The following GSTCD variants were observed in gnomAD, a reference collection of about 807,000 sequenced individuals.
The protein encoded by GSTCD is glutathione S-transferase C-terminal domain-containing protein.
GSTCD carries 44 observed loss-of-function variants against 68.3 expected under a neutral mutation model. The observed-to-expected ratio is 0.64, with a 90% CI of 0.51 to 0.83. The LOEUF is 0.83. GSTCD is among the 40% of genes least tolerant of loss of function. The pLI, the probability that GSTCD is intolerant of heterozygous loss-of-function variation, is 0.00. For synonymous variants in GSTCD, 273 were observed against 255.2 expected, an observed-to-expected ratio of 1.07 and a Z score of -0.67; for missense variants, 739 against 735.9, an observed-to-expected ratio of 1.00 and a Z score of -0.05.
chr4:105,732,742 G>A (rs553247490), intron 5 of GSTCD, among the ~76,000 whole-genome samples: 2 of 152,134 alleles, frequency 1.3e-5, no homozygotes, highest in Admixed American at 6.5e-5. Context: ...GCTTTTGAAT[G>A]TGTTTGCTCT....
chr4:105,732,827 T>C (rs903289389), intron 5 of GSTCD, among the ~76,000 whole-genome samples: 23 of 152,234 alleles, frequency 1.5e-4, no homozygotes, highest in Non-Finnish European at 3.2e-4. Context: ...TGTGGGCATT[T>C]AGTGGTATAA....
chr4:105,764,703 G>A (rs1205412288), intron 5 of GSTCD, among the ~76,000 whole-genome samples: 3 of 152,098 alleles, frequency 2.0e-5, no homozygotes, highest in Admixed American at 1.3e-4. Context: ...AATTACCTCC[G>A]TAAAGGTCCT....
At position 105,816,000 on chromosome 4, in the gene GSTCD, AT is replaced by A. The variant is rs922284966; in HGVS notation, c.1241-6944del. On this transcript the variant is annotated intron_variant, in intron 5 of 11. Transcript: ENST00000515279. The stretch of plus-strand genomic sequence containing the variant: ...GTGGATTCTGGTATTCGGAAATTAA[AT>A]TTTTTTTTTCATCTTAGAGAAAAAA... Among the ~76,000 whole-genome samples, 16 of 150,936 alleles carry A rather than the reference AT, an allele frequency of 1.1e-4. 1 individual carries two copies. The highest frequency in any genetic ancestry group is 2.6e-4 in the Admixed American group (4 of 15,144).
At chr4:105,762,111 C>A (rs948949476) in intron 5 of GSTCD, among the ~76,000 whole-genome samples, 1 of 152,242 alleles carries the variant, frequency 6.6e-6, no homozygotes, top group African/African-American at 2.4e-5. Flanking sequence ...CCCAAAGGAA[C>A]TTCTCATATG....
chr4:105,743,471 T>A (rs576357060), intron 5 of GSTCD, among the ~76,000 whole-genome samples: 25 of 152,192 alleles, frequency 1.6e-4, no homozygotes, highest in Middle Eastern at 3.4e-3. Flanking sequence ...ACTCTTTAAA[T>A]TCTTTTATCT....
In GSTCD at chr4:105,794,008, A is replaced by C. The variant is rs185608079; in HGVS notation, c.1241-28946A>C. On this transcript the variant is annotated intron_variant, in intron 5 of 11. Coordinates refer to ENST00000515279, the MANE Select transcript of GSTCD (RefSeq NM_001370181.1). Reference sequence around the variant, plus strand: ...TGAAACTGTGGGTTGATTTGGTATGAAAAGAGATGAGCTGCTTTTCTCTCT... The same window carrying C: ...TGAAACTGTGGGTTGATTTGGTATGCAAAGAGATGAGCTGCTTTTCTCTCT... Among the ~76,000 whole-genome samples, 7 of 152,242 alleles carry C rather than the reference A, an allele frequency of 4.6e-5. No individual in the cohort carries two copies. In the East Asian group the frequency reaches 1.3e-3, roughly 29 times the overall value.
At chr4:105,720,018 A>T (rs1025328058) in intron 3 of GSTCD, among the ~76,000 whole-genome samples, 1 of 151,830 alleles carries the variant, frequency 6.6e-6, no homozygotes, top group Non-Finnish European at 1.5e-5. Flanking sequence ...ATCTTATGTT[A>T]GGTATTATCA....
intron 7 of GSTCD, 105 bp from the exon 8 acceptor site, chr4:105,825,567 A>G (rs1723562226): frequency 1.2e-5 from 8 of 663,390 alleles, no homozygotes; most frequent in South Asian, 4.4e-5. Context: ...GAGGCTCAAT[A>G]TAATACGTTC....
intron 4 of GSTCD, among the ~76,000 whole-genome samples, chr4:105,728,612 G>C (rs1313352835): frequency 1.3e-5 from 2 of 151,828 alleles, no homozygotes; most frequent in East Asian, 1.9e-4. Flanking sequence ...GAGTCTCACA[G>C]ATTTTTATTT....
Position 105,719,949 on chromosome 4 carries a change from A to C in GSTCD, c.894+422A>C, listed in dbSNP as rs184288774. On this transcript the variant is annotated intron_variant, in intron 3 of 11. Coordinates refer to ENST00000515279, the MANE Select transcript of GSTCD (RefSeq NM_001370181.1). ...ACTATTAGAGGGTGCAGTTAAAAAA[A>C]AAAAAACTAAAAATCTTGTCAGCTA... Among the ~76,000 whole-genome samples the C allele has an allele frequency of 3.2e-4, 48 of 152,280 alleles. No individual in the cohort carries two copies. In the East Asian group the frequency reaches 9.1e-3, roughly 29 times the overall value.
chr4:105,719,981 A>G (rs905402684), intron 3 of GSTCD, among the ~76,000 whole-genome samples: 9 of 151,830 alleles, frequency 5.9e-5, no homozygotes, highest in South Asian at 4.1e-4. Flanking sequence ...GCTAAATTTT[A>G]TAATGAATTG....
rs1724544131 is a variant in GSTCD, at chr4:105,846,315, C to T, written c.*738C>T. 1 of 151,962 alleles carries T rather than the reference C, an allele frequency of 6.6e-6. No individual in the cohort carries two copies. Among genetic ancestry groups the T allele is most frequent in the South Asian group, 2.1e-4 (1 of 4,808 alleles). The allele number at this position is 151,962 out of a possible 1,614,324, so 9.4% of individuals were successfully genotyped here. On this transcript the variant is annotated 3_prime_UTR_variant, in exon 12 of 12. Transcript: ENST00000515279. ...GCAGTGAGCCTTGATAGCGCCACTG[C>T]ACTCCTGCCTGGGAAAATGAGACCC...
At chr4:105,813,961 C>A (rs761298728) in intron 5 of GSTCD, among the ~76,000 whole-genome samples, 68 of 152,224 alleles carry the variant, frequency 4.5e-4, no homozygotes, top group Non-Finnish European at 8.8e-4. Flanking sequence ...TTGTTTCCAG[C>A]ACCTTGATCA....
chr4:105,777,532 A>T (rs1053553643), intron 5 of GSTCD, among the ~76,000 whole-genome samples: 3 of 152,124 alleles, frequency 2.0e-5, no homozygotes, highest in Admixed American at 1.3e-4. Flanking sequence ...TTCTTTTTCT[A>T]TGGAACATTA....
intron 11 of GSTCD, chr4:105,843,420 T>C (rs1309530514): frequency 6.6e-6 from 1 of 152,242 alleles, no homozygotes; most frequent in African/African-American, 2.4e-5. Context: ...TGTCTTAGTC[T>C]GTTTTGCACT....
chr4:105,741,973 T>C (rs1350821370), intron 5 of GSTCD, among the ~76,000 whole-genome samples: 1 of 152,220 alleles, frequency 6.6e-6, no homozygotes, highest in African/African-American at 2.4e-5. Flanking sequence ...GGAGGATCAC[T>C]GTGAAAACAT....
intron 5 of GSTCD, among the ~76,000 whole-genome samples, chr4:105,789,469 G>A (rs947315798): frequency 2.6e-5 from 4 of 151,894 alleles, no homozygotes; most frequent in African/African-American, 9.7e-5. Flanking sequence ...TTACATGTCT[G>A]TTAGCAGGAT....
At chr4:105,792,122 T>G (rs1735699679) in intron 5 of GSTCD, among the ~76,000 whole-genome samples, 1 of 152,068 alleles carries the variant, frequency 6.6e-6, no homozygotes, top group Non-Finnish European at 1.5e-5. Context: ...CCACAGTGAT[T>G]CTAAGAATGG....
chr4:105,831,168 A>G (rs1242822593), intron 8 of GSTCD, among the ~76,000 whole-genome samples: 1 of 152,216 alleles, frequency 6.6e-6, no homozygotes, highest in Admixed American at 6.5e-5. Context: ...AAAGTTTTAA[A>G]AGAGGGGAAA....
Sources: gnomAD v4.1 joint callset for allele counts (sites outside exome capture counted in the v4.1 genomes callset) on GRCh38, gnomAD v4.1.1 for gene constraint, MANE v1.5 for transcripts, NCBI Gene and HGNC (gene_info 2026-07-23, HGNC 2026-07-21) for gene names.